The following ANKRD16 variants were observed in gnomAD, a reference collection of about 807,000 sequenced individuals.
ANKRD16 encodes the protein ankyrin repeat domain 16, also known as ankyrin repeat domain-containing protein 16.
Under a neutral mutation model 37.9 loss-of-function variants are expected in ANKRD16, and 35 were observed. The ratio of observed to expected loss-of-function variants is 0.92; its 90% confidence interval spans 0.71 to 1.23. ANKRD16 has a LOEUF of 1.23. Ranked by LOEUF, ANKRD16 falls within the 50% of genes most tolerant of loss-of-function variation. ANKRD16 has a pLI of 0.00. For missense variants in ANKRD16, 480 were observed against 469.9 expected, an observed-to-expected ratio of 1.02 and a Z score of -0.20; for synonymous variants, 206 against 197.2, an observed-to-expected ratio of 1.04 and a Z score of -0.37.
At position 5,887,910 on chromosome 10, in the gene ANKRD16, T is replaced by G; in HGVS notation, c.472A>C (p.Thr158Pro). The G allele has an allele frequency of 1.9e-6, 3 of 1,614,154 alleles. No individual in the cohort carries two copies. The highest frequency in any genetic ancestry group is 2.5e-6 in the Non-Finnish European group (3 of 1,180,002). The change falls in exon 2 of 8, where the codon ACT becomes CCT. Residue 158 changes from threonine (T) to proline (P), a missense_variant. Coordinates refer to ENST00000380094, the MANE Select transcript of ANKRD16 (RefSeq NM_019046.3). ...GTCTTCCAGGCACCTGGGCAAACAG[T>G]GAGCAGGTACTGGAGGATCAGAGGG... ...GDPLILQYLL[T>P]VCPGAWKTES...
intron 7 of ANKRD16, among the ~76,000 whole-genome samples, chr10:5,872,800 C>T (rs1381725907): frequency 1.3e-5 from 2 of 151,838 alleles, no homozygotes; most frequent in Non-Finnish European, 2.9e-5. Context: ...TCGTGATCTG[C>T]CCCCCTTGGC....
rs1196778693 is a variant in ANKRD16, at chr10:5,862,865, G to A, written c.*34-174C>T. On this transcript the variant is annotated intron_variant, in intron 7 of 7. Transcript: ENST00000380094. This position sits in a 1 kb window ranked among gnomAD's most constrained non-coding sequence, Gnocchi z 6.5. ...TCCCATGCGCAGTTGGAAGGGAGAA[G>A]GGAAGGGGAGGCTGGCGCTAGATAG... is the stretch of plus-strand genomic sequence containing the variant. Among the ~76,000 whole-genome samples the A allele has an allele frequency of 2.0e-5, 3 of 152,144 alleles. No individual in the cohort carries two copies. The highest frequency in any genetic ancestry group is 7.2e-5 in the African/African-American group (3 of 41,408).
chr10:5,871,492 G>A lies in ANKRD16; in HGVS notation c.*33+6605C>T, dbSNP rs960128895. ...TAAAAAAGTGTAAAAACTGCCAAAT[G>A]TAAGTCCACATTATTATCCATTCTT... On this transcript the variant is annotated intron_variant, in intron 7 of 7. Coordinates refer to ENST00000380094, the MANE Select transcript of ANKRD16 (RefSeq NM_019046.3). This position sits in a 1 kb window ranked among gnomAD's most constrained non-coding sequence, Gnocchi z 4.5. Among the ~76,000 whole-genome samples the A allele has an allele frequency of 3.3e-5, 5 of 152,138 alleles. No individual in the cohort carries two copies. Among genetic ancestry groups the A allele is most frequent in the Non-Finnish European group, 5.9e-5 (4 of 68,018 alleles).
rs1842155747 is a variant in ANKRD16, at chr10:5,874,482, A to C, written c.*33+3615T>G. Among the ~76,000 whole-genome samples the C allele has an allele frequency of 6.6e-6, 1 of 152,214 alleles. No homozygotes were observed. Among genetic ancestry groups the C allele is most frequent in the Non-Finnish European group, 1.5e-5 (1 of 68,036 alleles). On this transcript the variant is annotated intron_variant, in intron 7 of 7. Coordinates refer to ENST00000380094, the MANE Select transcript of ANKRD16 (RefSeq NM_019046.3). The surrounding 1 kb of genome is among the most constrained non-coding windows in gnomAD (Gnocchi z 4.7). ...AGGAGGAGAGTGAGAGAGCTTGGGC[A>C]GGAGTCGCAGTAGGGATGGTGTGGA...
intron 7 of ANKRD16, among the ~76,000 whole-genome samples, chr10:5,872,885 G>A (rs185167419): frequency 2.0e-5 from 3 of 151,190 alleles, no homozygotes; most frequent in Middle Eastern, 3.2e-3. Flanking sequence ...TCTTGAGAGG[G>A]AGTCTCACTC....
intron 7 of ANKRD16, among the ~76,000 whole-genome samples, chr10:5,875,910 G>GTCTTT (rs1842177798): frequency 6.6e-6 from 1 of 151,636 alleles, no homozygotes; most frequent in Non-Finnish European, 1.5e-5. Context: ...TTGAGATGGA[G>GTCTTT]TCTTGCTCTG....
In ANKRD16 at chr10:5,874,228, C is replaced by T. The variant is rs565744131; in HGVS notation, c.*33+3869G>A. Among the ~76,000 whole-genome samples, 8 of 152,202 alleles carry T rather than the reference C, an allele frequency of 5.3e-5. No individual in the cohort carries two copies. The highest frequency in any genetic ancestry group is 1.2e-4 in the Non-Finnish European group (8 of 68,052). On this transcript the variant is annotated intron_variant, in intron 7 of 7. Transcript: ENST00000380094. The surrounding 1 kb of genome is among the most constrained non-coding windows in gnomAD (Gnocchi z 4.7). ...GATTGAGCTTAGTAACACACACTCA[C>T]CATGGGAGCGGGTGTGCTTTTAGGA... is the stretch of plus-strand genomic sequence containing the variant.
chr10:5,880,483 C>T (rs1842279905), intron 5 of ANKRD16, 107 bp from the exon 6 acceptor site: 2 of 592,612 alleles, frequency 3.4e-6, no homozygotes, highest in East Asian at 6.6e-5. Context: ...GTTTATTTTG[C>T]CAAGGTTAAG....
rs1441513526 is a variant in ANKRD16, at chr10:5,871,255, C to T, written c.*33+6842G>A. Among the ~76,000 whole-genome samples, 2 of 151,986 alleles carry T rather than the reference C, an allele frequency of 1.3e-5. No individual in the cohort carries two copies. Among genetic ancestry groups the T allele is most frequent in the Admixed American group, 6.6e-5 (1 of 15,252 alleles). On this transcript the variant is annotated intron_variant, in intron 7 of 7. Coordinates refer to ENST00000380094, the MANE Select transcript of ANKRD16 (RefSeq NM_019046.3). This position sits in a 1 kb window ranked among gnomAD's most constrained non-coding sequence, Gnocchi z 4.5. ...TAGAAAAATTAGCCAGGTGTGGAGGCGCACGCCTGTAATCCCAGCTACTCA... is the reference window on the plus strand; with the variant it reads ...TAGAAAAATTAGCCAGGTGTGGAGGTGCACGCCTGTAATCCCAGCTACTCA...
rs964910304 is a variant in ANKRD16, at chr10:5,870,605, G to A, written c.*33+7492C>T. The stretch of plus-strand genomic sequence containing the variant: ...TGTAGAGGCAGGGTCTCACCATGTT[G>A]TCCAGGCTGGTCTCAAGCCATCTGC... On this transcript the variant is annotated intron_variant, in intron 7 of 7. Coordinates refer to ENST00000380094, the MANE Select transcript of ANKRD16 (RefSeq NM_019046.3). The surrounding 1 kb of genome is among the most constrained non-coding windows in gnomAD (Gnocchi z 5.0). 3.3e-5 allele frequency among the ~76,000 whole-genome samples: 5 copies of A among 152,098 alleles called. No homozygotes were observed. Among genetic ancestry groups the A allele is most frequent in the Non-Finnish European group, 7.4e-5 (5 of 68,004 alleles).
Position 5,889,436 on chromosome 10 carries a change from G to C in ANKRD16, c.-82C>G, listed in dbSNP as rs1842553797. Reference sequence around the variant, plus strand: ...GGCAGGGAGAAGCCGAGGGCGAGTGGGACTTTCCGCCTCTTCACGCAACCT... The same window carrying C: ...GGCAGGGAGAAGCCGAGGGCGAGTGCGACTTTCCGCCTCTTCACGCAACCT... On this transcript the variant is annotated 5_prime_UTR_variant, in exon 1 of 8. Coordinates refer to ENST00000380094, the MANE Select transcript of ANKRD16 (RefSeq NM_019046.3). The C allele has an allele frequency of 9.7e-7, 1 of 1,030,246 alleles. No individual in the cohort carries two copies. Among genetic ancestry groups the C allele is most frequent in the Non-Finnish European group, 1.2e-6 (1 of 829,796 alleles). 63.8% of individuals were successfully genotyped at this position (1,030,246 alleles called of 1,614,324 possible).
At chr10:5,880,742 A>G (rs1431157266) in intron 5 of ANKRD16, among the ~76,000 whole-genome samples, 2 of 152,058 alleles carry the variant, frequency 1.3e-5, no homozygotes, top group Non-Finnish European at 2.9e-5. Flanking sequence ...GAAATATTTA[A>G]CCCTTTATCT....
Position 5,862,601 on chromosome 10 carries a change from T to C in ANKRD16, c.*124A>G. On this transcript the variant is annotated 3_prime_UTR_variant, in exon 8 of 8. Transcript: ENST00000380094. The surrounding 1 kb of genome is among the most constrained non-coding windows in gnomAD (Gnocchi z 6.5). ...TGGGGTCAAACGTAGGTGGCTGCGG[T>C]TGGTTGAACTCAGGTTCAGGATGAC... The C allele has an allele frequency of 1.6e-6, 2 of 1,288,818 alleles. No individual in the cohort carries two copies. Among genetic ancestry groups the C allele is most frequent in the Non-Finnish European group, 2.0e-6 (2 of 988,804 alleles). The allele number at this position is 1,288,818 out of a possible 1,614,324, so 79.8% of individuals were successfully genotyped here.
intron 7 of ANKRD16, among the ~76,000 whole-genome samples, chr10:5,872,013 T>C (rs1039639357): frequency 2.0e-5 from 3 of 152,032 alleles, no homozygotes. Context: ...CTGCCGCCCT[T>C]GCCTCCAGTT....
At position 5,871,613 on chromosome 10, in the gene ANKRD16, T is replaced by C. The variant is rs1842091477; in HGVS notation, c.*33+6484A>G. 6.6e-6 allele frequency among the ~76,000 whole-genome samples: 1 copy of C among 152,172 alleles called. No homozygotes were observed. Among genetic ancestry groups the C allele is most frequent in the Non-Finnish European group, 1.5e-5 (1 of 68,022 alleles). ...ACGTGGGCTCTGCCCTGAACTTTTCTTCCTTCTTGCCCTTCTTCTTTCCTT... is the reference window on the plus strand; with the variant it reads ...ACGTGGGCTCTGCCCTGAACTTTTCCTCCTTCTTGCCCTTCTTCTTTCCTT... On this transcript the variant is annotated intron_variant, in intron 7 of 7. Transcript: ENST00000380094. The surrounding 1 kb of genome is among the most constrained non-coding windows in gnomAD (Gnocchi z 4.5).
chr10:5,884,117 T>C (rs3750658), intron 3 of ANKRD16, 40 bp from the exon 4 acceptor site: 701,284 of 1,534,710 alleles, frequency 0.46, 165,566 homozygotes, highest in African/African-American at 0.58. Context: ...GAAAATTCAA[T>C]ACCTCAAACC....
chr10:5,874,809 G>A lies in ANKRD16; in HGVS notation c.*33+3288C>T, dbSNP rs1421875810. On this transcript the variant is annotated intron_variant, in intron 7 of 7. Transcript: ENST00000380094. This position sits in a 1 kb window ranked among gnomAD's most constrained non-coding sequence, Gnocchi z 4.7. The stretch of plus-strand genomic sequence containing the variant: ...TGTAGCTGAAACCCGAGGCATGGAC[G>A]ACAACGCTTCAGGAGAAAATCCAGA... Among the ~76,000 whole-genome samples the A allele has an allele frequency of 6.6e-6, 1 of 152,160 alleles. No individual in the cohort carries two copies.
At position 5,866,300 on chromosome 10, in the gene ANKRD16, A is replaced by T. The variant is rs1423469401; in HGVS notation, c.*34-3609T>A. Among the ~76,000 whole-genome samples the T allele has an allele frequency of 6.6e-6, 1 of 152,178 alleles. No homozygotes were observed. Among genetic ancestry groups the T allele is most frequent in the Non-Finnish European group, 1.5e-5 (1 of 68,032 alleles). On this transcript the variant is annotated intron_variant, in intron 7 of 7. Transcript: ENST00000380094. The surrounding 1 kb of genome is among the most constrained non-coding windows in gnomAD (Gnocchi z 4.3). Reference sequence around the variant, plus strand: ...TCCAGACTTATGCTGCCCGAGATGAATTCTTAGAAGTCCCCTTAGTTAATC... The same window carrying T: ...TCCAGACTTATGCTGCCCGAGATGATTTCTTAGAAGTCCCCTTAGTTAATC...
In ANKRD16 at chr10:5,887,857, C is replaced by T; in HGVS notation, c.525G>A (p.Leu175=). The T allele has an allele frequency of 5.6e-6, 9 of 1,613,344 alleles. No individual in the cohort carries two copies. The highest frequency in any genetic ancestry group is 7.6e-6 in the Non-Finnish European group (9 of 1,179,878). ...KTESKIRRTP[L]HTAAMHGHLE... is the part of the protein sequence containing the mutation. Reference sequence around the variant, plus strand: ...AGCTGTAGGCTGTACCTGCAGTATGCAGAGGAGTCCTTCTAATTTTGCTCT... The same window carrying T: ...AGCTGTAGGCTGTACCTGCAGTATGTAGAGGAGTCCTTCTAATTTTGCTCT... Residue 175 remains leucine, a synonymous_variant, in exon 2 of 8, where the codon CTG becomes CTA. Transcript: ENST00000380094.
Sources: allele counts gnomAD v4.1 joint callset (sites outside exome capture counted in the v4.1 genomes callset), GRCh38; gene constraint gnomAD v4.1.1; non-coding constraint Gnocchi (gnomAD v3.1); transcripts MANE v1.5; gene names NCBI Gene and HGNC (gene_info 2026-07-23, HGNC 2026-07-21).